Variants in CYP27C1 observed in about 807,000 individuals in gnomAD.
CYP27C1 encodes the protein cytochrome P450 family 27 subfamily C member 1.
CYP27C1 carries 29 observed loss-of-function variants against 40.6 expected under a neutral mutation model. The ratio of observed to expected loss-of-function variants is 0.71; its 90% CI spans 0.53 to 0.97. CYP27C1 has a LOEUF of 0.97. Among genes scored for constraint, CYP27C1 ranks in the 50% least tolerant of loss-of-function variants. The probability of loss-of-function intolerance (pLI) is 0.00; values close to 1 mark genes in which losing one functional copy is unlikely to be tolerated. For synonymous variants in CYP27C1, 198 were observed against 186.8 expected (o/e 1.06, Z -0.49); for missense variants, 390 against 485.8 (o/e 0.80, Z 1.85).
At position 127,204,460 on chromosome 2, in the gene CYP27C1, GAA is replaced by G. The variant is rs1181415013; in HGVS notation, c.474-891_474-890del. Among the ~76,000 whole-genome samples, 4 of 43,932 alleles carry G rather than the reference GAA, an allele frequency of 9.1e-5. 1 individual carries two copies. The highest frequency in any genetic ancestry group is 1.6e-4 in the African/African-American group (2 of 12,134). The allele number at this position is 43,932 out of a possible 152,430, so 28.8% of individuals were successfully genotyped here. A position where few individuals can be genotyped will look rare whatever the true frequency, so the allele number is the denominator to read the frequency against. On this transcript the variant is annotated intron_variant, in intron 2 of 8. Transcript: ENST00000664447. ...AAAGAAAAAGAAAGAAAGAAAGAAA[GAA>G]AGAAAGAAAGAAAGAAAGAAAGAAA...
rs563765566 is a variant in CYP27C1, at chr2:127,201,076, C to T, written c.883+46G>A. The T allele has an allele frequency of 1.9e-6, 3 of 1,575,232 alleles. No individual in the cohort carries two copies. The highest frequency in any genetic ancestry group is 3.4e-5 in the Admixed American group (2 of 59,640). On this transcript the variant is annotated intron_variant, in intron 4 of 8. Transcript: ENST00000664447. The surrounding 1 kb of genome is among the most constrained non-coding windows in gnomAD (Gnocchi z 6.0). The stretch of plus-strand genomic sequence containing the variant: ...GATGAGAGTTAGACACACAACACGG[C>T]AGGTCAACCTGCTTCTGCAAAAGGT...
chr2:127,198,211 A>ACACACACG (rs1276568709), intron 5 of CYP27C1, among the ~76,000 whole-genome samples: 3 of 151,244 alleles, frequency 2.0e-5, no homozygotes, highest in East Asian at 1.9e-4. Flanking sequence ...ACACACACAC[A>ACACACACG]CACGCACTCA....
chr2:127,188,003 A>C (rs1280942340), intron 8 of CYP27C1, among the ~76,000 whole-genome samples: 1 of 152,038 alleles, frequency 6.6e-6, no homozygotes, highest in African/African-American at 2.4e-5. Context: ...GAACACCTAA[A>C]GCAATTATCT....
At chr2:127,204,192 G>C (rs1683105847) in intron 2 of CYP27C1, among the ~76,000 whole-genome samples, 1 of 150,372 alleles carries the variant, frequency 6.7e-6, no homozygotes, top group Non-Finnish European at 1.5e-5. Flanking sequence ...CTTGAACCCG[G>C]GAGGCAGAGG....
chr2:127,198,714 A>G (rs957590170), intron 5 of CYP27C1, among the ~76,000 whole-genome samples: 1 of 152,220 alleles, frequency 6.6e-6, no homozygotes, highest in Non-Finnish European at 1.5e-5. Flanking sequence ...TGCCCACAGT[A>G]TTCAGTACAG....
intron 2 of CYP27C1, among the ~76,000 whole-genome samples, chr2:127,204,126 TGTG>T (rs1317698640): frequency 1.3e-5 from 2 of 150,022 alleles, no homozygotes; most frequent in Non-Finnish European, 3.0e-5. Context: ...TTTAGCCGGG[TGTG>T]GTGGTGGGCA....
chr2:127,187,252 C>A lies in CYP27C1; in HGVS notation c.*19G>T. Reference sequence around the variant, plus strand: ...CGGCGAGCTGGTCTGCTACATCAGCCCAGGTTTAAAATCTAGGCTTACTTT... The same window carrying A: ...CGGCGAGCTGGTCTGCTACATCAGCACAGGTTTAAAATCTAGGCTTACTTT... On this transcript the variant is annotated 3_prime_UTR_variant, in exon 9 of 9. Transcript: ENST00000664447. 6.2e-7 allele frequency: 1 copy of A among 1,602,270 alleles called. No homozygotes were observed.
intron 2 of CYP27C1, among the ~76,000 whole-genome samples, chr2:127,204,551 G>A (rs866756945): frequency 0.015 from 773 of 50,968 alleles, 13 homozygotes; most frequent in Middle Eastern, 0.027. Flanking sequence ...GAGAGAGAGA[G>A]AGAGAGAAAG....
chr2:127,205,675 C>G (rs1279928303), intron 2 of CYP27C1: 1 of 985,380 alleles, frequency 1.0e-6, no homozygotes, highest in Admixed American at 6.1e-5. Context: ...GCCAGCGTCG[C>G]CCCTCCTGGC....
At chr2:127,188,774 C>A (rs1682695929) in intron 8 of CYP27C1, among the ~76,000 whole-genome samples, 1 of 152,170 alleles carries the variant, frequency 6.6e-6, no homozygotes, top group African/African-American at 2.4e-5. Context: ...AAGTATCCAT[C>A]ACCCTAAAGC....
At position 127,201,240 on chromosome 2, in the gene CYP27C1, G is replaced by T; in HGVS notation, c.765C>A (p.Leu255=). 1 of 1,614,182 alleles carries T rather than the reference G, an allele frequency of 6.2e-7. No homozygotes were observed. The highest frequency in any genetic ancestry group is 1.1e-5 in the South Asian group (1 of 91,078). ...LTVEYIEALE[L]MFSMFKTSMY... is the part of the protein sequence containing the mutation. Reference sequence around the variant, plus strand: ...TGGAGGTCTTGAACATGCTAAACATGAGCTCCAGGGCCTCGATGTATTCCA... The same window carrying T: ...TGGAGGTCTTGAACATGCTAAACATTAGCTCCAGGGCCTCGATGTATTCCA... Residue 255 remains leucine, a synonymous_variant, in exon 4 of 9, where the codon CTC becomes CTA. Coordinates refer to ENST00000664447, the MANE Select transcript of CYP27C1 (RefSeq NM_001367502.1). This position sits in a 1 kb window ranked among gnomAD's most constrained non-coding sequence, Gnocchi z 6.0.
chr2:127,214,783 T>A (rs2174273), intron 1 of CYP27C1, among the ~76,000 whole-genome samples: 1,375 of 68,430 alleles, frequency 0.02, 6 homozygotes, highest in Non-Finnish European at 0.033. Flanking sequence ...CCGTTTTTTG[T>A]TTTTTTTTTT....
intron 8 of CYP27C1, 62 bp from the exon 9 acceptor site, chr2:127,187,449 C>G: frequency 7.0e-7 from 1 of 1,420,918 alleles, no homozygotes; most frequent in Non-Finnish European, 9.9e-7. Context: ...TCAGTGCTCC[C>G]TGAATGCTTT....
intron 8 of CYP27C1, 125 bp downstream of exon 8, chr2:127,192,969 C>G: frequency 8.0e-7 from 1 of 1,255,232 alleles, no homozygotes; most frequent in Non-Finnish European, 1.1e-6. Context: ...AGCCACAGTG[C>G]CTGACGGCTC....
rs1229027052 is a variant in CYP27C1, at chr2:127,208,225, C to G, written c.283-2135G>C. 6.6e-6 allele frequency among the ~76,000 whole-genome samples: 1 copy of G among 152,144 alleles called. No individual in the cohort carries two copies. Among genetic ancestry groups the G allele is most frequent in the African/African-American group, 2.4e-5 (1 of 41,432 alleles). On this transcript the variant is annotated intron_variant, in intron 1 of 8. Coordinates refer to ENST00000664447, the MANE Select transcript of CYP27C1 (RefSeq NM_001367502.1). This position sits in a 1 kb window ranked among gnomAD's most constrained non-coding sequence, Gnocchi z 5.2. ...AAATTGACTAGAAGGCTGGCATAAC[C>G]CACGGAGAGAAGGAAGAACAGTGTA... is the stretch of plus-strand genomic sequence containing the variant.
intron 6 of CYP27C1, among the ~76,000 whole-genome samples, chr2:127,194,380 T>C (rs952637429): frequency 6.6e-5 from 10 of 152,246 alleles, no homozygotes. Context: ...TGACGGTCAT[T>C]ATCAAGTCAG....
intron 1 of CYP27C1, among the ~76,000 whole-genome samples, chr2:127,210,500 C>T (rs375049967): frequency 6.6e-6 from 1 of 152,084 alleles, no homozygotes; most frequent in Admixed American, 6.6e-5. Context: ...GGATCAAATT[C>T]GCACATAACA....
At position 127,200,231 on chromosome 2, in the gene CYP27C1, C is replaced by A. The variant is rs952002271; in HGVS notation, c.884-692G>T. ...CTGACCTCAGGTGATCCTCCCACCT[C>A]GGCCTCCCAAAGTGCTGGGATTACA... On this transcript the variant is annotated intron_variant, in intron 4 of 8. Coordinates refer to ENST00000664447, the MANE Select transcript of CYP27C1 (RefSeq NM_001367502.1). This position sits in a 1 kb window ranked among gnomAD's most constrained non-coding sequence, Gnocchi z 4.2. 6.6e-6 allele frequency among the ~76,000 whole-genome samples: 1 copy of A among 152,314 alleles called. No homozygotes were observed. The highest frequency in any genetic ancestry group is 1.9e-4 in the East Asian group (1 of 5,182).
At position 127,195,387 on chromosome 2, in the gene CYP27C1, C is replaced by A; in HGVS notation, c.1162G>T (p.Ala388Ser). The A allele has an allele frequency of 6.2e-7, 1 of 1,614,178 alleles. No individual in the cohort carries two copies. The highest frequency in any genetic ancestry group is 8.5e-7 in the Non-Finnish European group (1 of 1,180,024). ...NLGERHVPTA[A>S]DVPKVPLVRA... ...ACCAGCGGGACCTTGGGGACATCAG[C>A]TGCAGTTGGAACATGCCTTTCCCCT... is the stretch of plus-strand genomic sequence containing the variant. Residue 388 changes from alanine to serine, a missense_variant, in exon 6 of 9, where the codon GCT (alanine) becomes TCT (serine). Ala to Ser is a moderately conservative substitution (Grantham distance 99, BLOSUM62 1). Transcript: ENST00000664447. The surrounding 1 kb of genome is among the most constrained non-coding windows in gnomAD (Gnocchi z 6.2).
Sources: allele counts gnomAD v4.1 joint callset (sites outside exome capture counted in the v4.1 genomes callset), GRCh38; gene constraint gnomAD v4.1.1; non-coding constraint Gnocchi (gnomAD v3.1); transcripts MANE v1.5; gene names NCBI Gene and HGNC (gene_info 2026-07-23, HGNC 2026-07-21).